The following GRM5 variants were observed in gnomAD, a reference collection of about 807,000 sequenced individuals.
GRM5 encodes metabotropic glutamate receptor 5.
In GRM5, 19 loss-of-function variants were observed where a neutral mutation model predicts 83.1. That is an observed-to-expected ratio of 0.23 (90% CI 0.16 to 0.34). The LOEUF is 0.34. GRM5 is among the 10% of genes least tolerant of loss of function. The pLI is 1.00. For synonymous variants in GRM5, 675 were observed against 633.6 expected (o/e 1.07, Z -0.98); for missense variants, 1,160 against 1,588.3 (o/e 0.73, Z 4.58).
chr11:89,006,677 C>T (rs1469089508), intron 2 of GRM5, among the ~76,000 whole-genome samples: 1 of 152,244 alleles, frequency 6.6e-6, no homozygotes, highest in Non-Finnish European at 1.5e-5. Context: ...TTTGAGTTTA[C>T]ACATATCCAT....
intron 2 of GRM5, among the ~76,000 whole-genome samples, chr11:89,027,952 A>T (rs1379998639): frequency 2.6e-5 from 4 of 152,124 alleles, no homozygotes; most frequent in Non-Finnish European, 5.9e-5. Flanking sequence ...ATGCCATTTT[A>T]AAAAAATGAA....
chr11:88,597,122 C>T (rs1769115501), intron 6 of GRM5, 62 bp downstream of exon 6: 2 of 1,045,296 alleles, frequency 1.9e-6, no homozygotes, highest in Admixed American at 5.4e-5. Context: ...TAAAAATAGC[C>T]AATGATAGTT....
intron 3 of GRM5, among the ~76,000 whole-genome samples, chr11:88,720,821 C>CGTGTGTGTGT (rs869078157): frequency 0.04 from 5,531 of 137,176 alleles, 184 homozygotes; most frequent in East Asian, 0.093. Context: ...TGTGTGTGTG[C>CGTGTGTGTGT]GTGTGTGTGT....
chr11:88,686,724 C>T (rs759075664), intron 3 of GRM5, among the ~76,000 whole-genome samples: 5 of 152,168 alleles, frequency 3.3e-5, no homozygotes, highest in Non-Finnish European at 5.9e-5. Flanking sequence ...GAGGGGTTTC[C>T]GCTTTTGCAT....
At position 88,590,741 on chromosome 11, in the gene GRM5, T is replaced by A; in HGVS notation, c.1564-14A>T. The A allele has an allele frequency of 6.2e-7, 1 of 1,604,406 alleles. No individual in the cohort carries two copies. Among genetic ancestry groups the A allele is most frequent in the Non-Finnish European group, 8.5e-7 (1 of 1,173,960 alleles). On this transcript the variant is annotated splice_polypyrimidine_tract_variant and intron_variant, in intron 6 of 9. Transcript: ENST00000305447. ...CTTTCGGATCACCTAAGGCAAATAT[T>A]TGAAATTTAGATTTTTTTTTGCATA... is the stretch of plus-strand genomic sequence containing the variant.
intron 2 of GRM5, among the ~76,000 whole-genome samples, chr11:88,890,297 T>A (rs1156854508): frequency 6.6e-6 from 1 of 152,154 alleles, no homozygotes; most frequent in East Asian, 1.9e-4. Flanking sequence ...CACTTAATTT[T>A]AGGGATCTGC....
chr11:88,527,079 C>G (rs1356317754), intron 8 of GRM5, among the ~76,000 whole-genome samples: 2 of 152,018 alleles, frequency 1.3e-5, no homozygotes, highest in Admixed American at 1.3e-4. Context: ...AAGAAAATAC[C>G]TTAGAAGTAC....
intron 3 of GRM5, among the ~76,000 whole-genome samples, chr11:88,780,384 A>G (rs1269610349): frequency 6.6e-6 from 1 of 152,152 alleles, no homozygotes; most frequent in Non-Finnish European, 1.5e-5. Flanking sequence ...TGAGAACATG[A>G]GTTTATAGTC....
At chr11:88,890,657 G>A (rs561098967) in intron 2 of GRM5, among the ~76,000 whole-genome samples, 1 of 152,228 alleles carries the variant, frequency 6.6e-6, no homozygotes, top group South Asian at 2.1e-4. Flanking sequence ...TACTAGGTTT[G>A]CTAAATGTTC....
chr11:88,522,657 A>G (rs1217622345), intron 9 of GRM5, among the ~76,000 whole-genome samples: 1 of 147,640 alleles, frequency 6.8e-6, no homozygotes, highest in Admixed American at 6.8e-5. Context: ...GTTTTTATAT[A>G]GTGCTAAAGA....
At chr11:89,045,118 C>A (rs1282568952) in intron 2 of GRM5, among the ~76,000 whole-genome samples, 1 of 152,146 alleles carries the variant, frequency 6.6e-6, no homozygotes, top group Non-Finnish European at 1.5e-5. Flanking sequence ...CTTTGAATGT[C>A]CAATTCCAAG....
chr11:88,726,605 GAAATGAAGGAAT>G (rs1941686820), intron 3 of GRM5, among the ~76,000 whole-genome samples: 2 of 152,152 alleles, frequency 1.3e-5, no homozygotes, highest in South Asian at 4.1e-4. Flanking sequence ...CACCAATGTT[GAAATGAAGGAAT>G]AAATGTTAAG....
At chr11:88,626,022 AT>A (rs35586049) in intron 4 of GRM5, among the ~76,000 whole-genome samples, 45,454 of 150,406 alleles carry the variant, frequency 0.3, 11,679 homozygotes, top group African/African-American at 0.69. Context: ...TGACTAGCTT[AT>A]TTTTTTTTTA....
intron 3 of GRM5, among the ~76,000 whole-genome samples, chr11:88,752,986 C>T (rs1351309346): frequency 1.3e-5 from 2 of 152,124 alleles, no homozygotes; most frequent in East Asian, 3.9e-4. Context: ...AAGTGTAAAA[C>T]TCAAAACTAT....
chr11:88,796,505 A>T (rs1565234847), intron 3 of GRM5, among the ~76,000 whole-genome samples: 1 of 152,178 alleles, frequency 6.6e-6, no homozygotes, highest in African/African-American at 2.4e-5. Flanking sequence ...TGAAGATTAG[A>T]TCAGAACATA....
At chr11:88,571,448 C>T (rs1340090338) in intron 7 of GRM5, among the ~76,000 whole-genome samples, 1 of 152,106 alleles carries the variant, frequency 6.6e-6, no homozygotes, top group Non-Finnish European at 1.5e-5. Flanking sequence ...CTAAGAATAG[C>T]AAACTGGACT....
At chr11:88,570,571 ATTTTTTTT>A (rs1194098388) in intron 7 of GRM5, among the ~76,000 whole-genome samples, 2,581 of 46,070 alleles carry the variant, frequency 0.056, 45 homozygotes, top group Admixed American at 0.11. Flanking sequence ...ATATATATAT[ATTTTTTTT>A]TTTTTTTTTT....
chr11:88,642,740 G>A (rs991529095), intron 4 of GRM5, among the ~76,000 whole-genome samples: 3 of 152,110 alleles, frequency 2.0e-5, no homozygotes, highest in Non-Finnish European at 4.4e-5. Context: ...TGAACAAAAT[G>A]AGCCAAGCTC....
chr11:88,843,318 T>C (rs1944237230), intron 3 of GRM5, among the ~76,000 whole-genome samples: 3 of 152,196 alleles, frequency 2.0e-5, no homozygotes, highest in Admixed American at 2.0e-4. Context: ...ATTTATGGCA[T>C]ACAGTGTGAT....
Sources: allele counts gnomAD v4.1 joint callset (sites outside exome capture counted in the v4.1 genomes callset), GRCh38; gene constraint gnomAD v4.1.1; transcripts MANE v1.5; gene names NCBI Gene and HGNC (gene_info 2026-07-23, HGNC 2026-07-21).